The following TM9SF4 variants were observed in gnomAD, a reference collection of about 807,000 sequenced individuals.
TM9SF4 encodes the protein dinucleotide oxidase disulfide thiol exchanger 3 superfamily member 4.
A neutral mutation model predicts 90.4 loss-of-function variants in TM9SF4; 26 were observed. The observed-to-expected ratio is 0.29, with a 90% CI of 0.21 to 0.40. The LOEUF is 0.40. Ranked by LOEUF, TM9SF4 falls within the 10% of genes least tolerant of loss-of-function variation. The pLI, the probability that TM9SF4 is intolerant of heterozygous loss-of-function variation, is 1.00. For missense variants in TM9SF4, 549 were observed against 834.8 expected (o/e 0.66, Z 4.22); for synonymous variants, 293 against 315.4 (o/e 0.93, Z 0.75).
intron 3 of TM9SF4, among the ~76,000 whole-genome samples, chr20:32,140,128 G>C (rs1414772126): frequency 6.6e-6 from 1 of 151,874 alleles, no homozygotes; most frequent in East Asian, 1.9e-4. Context: ...TAGGGAGAGT[G>C]CCCTGTCGAG....
Position 32,133,044 on chromosome 20 carries a change from C to G in TM9SF4, c.47C>G (p.Ser16Cys). 6.2e-7 allele frequency: 1 copy of G among 1,614,194 alleles called. No individual in the cohort carries two copies. The highest frequency in any genetic ancestry group is 8.5e-7 in the Non-Finnish European group (1 of 1,180,014). The change falls in exon 2 of 18, where the codon TCC becomes TGC. Residue 16 changes from serine (S) to cysteine (C), a missense_variant. By Grantham distance (112) the Ser-to-Cys change is moderately radical (BLOSUM62 -1). Around this residue, in one of 2 missense-constraint regions of TM9SF4, gnomAD observed 495 missense variants for 711.7 expected, o/e 0.70. Coordinates refer to ENST00000398022, the MANE Select transcript of TM9SF4 (RefSeq NM_014742.4). ...DWLPWSLLLFSLMCETSAFYV... is the reference protein window; with the variant it reads ...DWLPWSLLLFCLMCETSAFYV... Reference sequence around the variant, plus strand: ...TTGCCGTGGTCTTTACTGCTTTTCTCCCTGATGTGTGAAACAAGCGCCTTC... The same window carrying G: ...TTGCCGTGGTCTTTACTGCTTTTCTGCCTGATGTGTGAAACAAGCGCCTTC...
intron 2 of TM9SF4, 80 bp downstream of exon 2, chr20:32,133,206 C>A (rs2122375868): frequency 7.6e-7 from 1 of 1,307,788 alleles, no homozygotes; most frequent in Non-Finnish European, 1.1e-6. Context: ...TCGTGTCCAT[C>A]CTGTGGTTGC....
intron 1 of TM9SF4, among the ~76,000 whole-genome samples, chr20:32,126,322 A>G (rs887904219): frequency 1.3e-5 from 2 of 152,196 alleles, no homozygotes; most frequent in South Asian, 2.1e-4. Context: ...CATTTTAACA[A>G]TGTCACCAAG....
At chr20:32,146,221 A>G (rs575953230) in intron 8 of TM9SF4, among the ~76,000 whole-genome samples, 1 of 152,242 alleles carries the variant, frequency 6.6e-6, no homozygotes, top group Admixed American at 6.5e-5. Context: ...CCATTCTCTT[A>G]ACCACTACAG....
At chr20:32,147,568 C>T (rs958738580) in intron 9 of TM9SF4, among the ~76,000 whole-genome samples, 3 of 151,998 alleles carry the variant, frequency 2.0e-5, no homozygotes, top group Admixed American at 6.6e-5. Flanking sequence ...AAAACTAGGT[C>T]GGGGCTGGGC....
rs1442993352 is a variant in TM9SF4 at position 32,109,736 on chromosome 20, C to G, written c.-5C>G. The G allele has an allele frequency of 2.6e-6, 4 of 1,551,668 alleles. No individual in the cohort carries two copies. The highest frequency in any genetic ancestry group is 2.4e-5 in the East Asian group (1 of 40,914). On this transcript the variant is annotated 5_prime_UTR_variant, in exon 1 of 18. It adds an upstream start codon to the 5' untranslated region. Transcript: ENST00000398022. ...GACGTCATTACGGCGACACGTGGAT[C>G]CAAGATGGCGACGGCGATGGTGAGT...
At chr20:32,149,452 C>T (rs1176099717) in intron 9 of TM9SF4, among the ~76,000 whole-genome samples, 182 bp from the exon 10 acceptor site, 1 of 152,228 alleles carries the variant, frequency 6.6e-6, no homozygotes, top group Non-Finnish European at 1.5e-5. Flanking sequence ...CTACAGGCAT[C>T]AGGTTTGTGG....
At chr20:32,142,606 G>T (rs960872391) in intron 5 of TM9SF4, among the ~76,000 whole-genome samples, 2 of 152,140 alleles carry the variant, frequency 1.3e-5, no homozygotes, top group Non-Finnish European at 2.9e-5. Context: ...CAGAGGAGGT[G>T]GGCCATGAGA....
chr20:32,123,866 A>ATAT, intron 1 of TM9SF4, among the ~76,000 whole-genome samples: 8 of 93,964 alleles, frequency 8.5e-5, no homozygotes, highest in African/African-American at 2.7e-4. Context: ...ATATATATAT[A>ATAT]TTTTTTTTTT....
chr20:32,156,400 GGT>G (rs1347020782), intron 13 of TM9SF4, among the ~76,000 whole-genome samples: 1 of 152,102 alleles, frequency 6.6e-6, no homozygotes, highest in Non-Finnish European at 1.5e-5. Context: ...GTTGTCCCTT[GGT>G]ATTCATAGGG....
intron 8 of TM9SF4, 29 bp downstream of exon 8, chr20:32,145,452 G>A: frequency 6.2e-7 from 1 of 1,600,270 alleles, no homozygotes; most frequent in African/African-American, 1.3e-5. Flanking sequence ...GAGGGAAAGG[G>A]GATGGGGGTT....
chr20:32,145,337 G>A lies in TM9SF4; in HGVS notation c.797G>A (p.Arg266His), dbSNP rs1371412720. The A allele has an allele frequency of 1.9e-6, 3 of 1,614,018 alleles. No homozygotes were observed. The highest frequency in any genetic ancestry group is 1.3e-5 in the African/African-American group (1 of 74,896). ...WEESDIKWAS[R>H]WDTYLTMSDV... ...GAAAGTGATATCAAATGGGCCTCTCGCTGGGACACTTACCTGACCATGAGT... is the reference window on the plus strand; with the variant it reads ...GAAAGTGATATCAAATGGGCCTCTCACTGGGACACTTACCTGACCATGAGT... Residue 266 changes from arginine (R) to histidine (H), a missense_variant, in exon 8 of 18, where the codon CGC becomes CAC. Coordinates refer to ENST00000398022, the MANE Select transcript of TM9SF4 (RefSeq NM_014742.4).
chr20:32,124,672 T>C (rs2122346222), intron 1 of TM9SF4, among the ~76,000 whole-genome samples: 2 of 152,180 alleles, frequency 1.3e-5, no homozygotes, highest in East Asian at 3.9e-4. Flanking sequence ...CTGCAACCTC[T>C]GCCTCCCAGG....
At chr20:32,120,979 A>G (rs1204045986) in intron 1 of TM9SF4, among the ~76,000 whole-genome samples, 3 of 152,182 alleles carry the variant, frequency 2.0e-5, no homozygotes, top group Non-Finnish European at 4.4e-5. Context: ...GATAAACACC[A>G]CTTGGTCATG....
chr20:32,164,676 G>T (rs1299702132), intron 17 of TM9SF4, among the ~76,000 whole-genome samples: 2 of 152,172 alleles, frequency 1.3e-5, no homozygotes, highest in South Asian at 2.1e-4. Context: ...GTGTCTGCCT[G>T]TGAGTCCTGG....
At chr20:32,161,129 C>G in intron 16 of TM9SF4, 147 bp from the exon 17 acceptor site, 1 of 652,412 alleles carries the variant, frequency 1.5e-6, no homozygotes, top group Non-Finnish European at 2.7e-6. Flanking sequence ...GTTCTGGAAC[C>G]ACCATCACAG....
In TM9SF4 at chr20:32,133,085, G is replaced by A. The variant is rs753161371; in HGVS notation, c.88G>A (p.Ala30Thr). 3.1e-6 allele frequency: 5 copies of A among 1,613,972 alleles called. No homozygotes were observed. The highest frequency in any genetic ancestry group is 1.7e-5 in the Admixed American group (1 of 59,986). Residue 30 changes from alanine (A) to threonine (T), a missense_variant, in exon 2 of 18, where the codon GCG becomes ACG. Ala to Thr is a moderately conservative substitution (Grantham distance 58). Transcript: ENST00000398022. ...ETSAFYVPGV[A>T]PINFHQNDPV... ...AAGCGCCTTCTATGTGCCTGGGGTC[G>A]CGCCTATCAACTTCCACCAGAACGA...
chr20:32,134,838 G>A (rs2046572262), intron 2 of TM9SF4, among the ~76,000 whole-genome samples: 1 of 151,798 alleles, frequency 6.6e-6, no homozygotes, highest in South Asian at 2.1e-4. Flanking sequence ...ATGCCCAGCC[G>A]ATTTTTGCAT....
intron 2 of TM9SF4, among the ~76,000 whole-genome samples, chr20:32,133,720 A>G (rs2122377416): frequency 6.6e-6 from 1 of 152,240 alleles, no homozygotes; most frequent in South Asian, 2.1e-4. Context: ...TTTCCTATTC[A>G]TTTTACAGAT....
Sources: gnomAD v4.1 joint callset for allele counts (sites outside exome capture counted in the v4.1 genomes callset) on GRCh38, gnomAD v4.1.1 for gene constraint, gnomAD v4.1.1 regional missense constraint, MANE v1.5 for transcripts, NCBI Gene and HGNC (gene_info 2026-07-23, HGNC 2026-07-21) for gene names.